The following TP53BP1 variants were observed in gnomAD, a reference collection of about 807,000 sequenced individuals.
TP53BP1 encodes tumor protein p53 binding protein 1, also known as TP53-binding protein 1.
TP53BP1 carries 61 observed loss-of-function variants against 200.8 expected under a neutral mutation model. The observed-to-expected ratio is 0.30, with a 90% CI of 0.25 to 0.38. The LOEUF is 0.38. Among genes scored for constraint, TP53BP1 ranks in the 10% least tolerant of loss-of-function variants. The pLI, the probability that TP53BP1 is intolerant of heterozygous loss-of-function variation, is 1.00. For missense variants in TP53BP1, 2,144 were observed against 2,371.9 expected (o/e 0.90, Z 2.00); for synonymous variants, 822 against 844.3 (o/e 0.97, Z 0.46).
rs1416568038 is a variant in TP53BP1 at position 43,406,408 on chromosome 15, G to GCTGT, written c.*971_*974dup. 9.2e-5 allele frequency: 31 copies of GCTGT among 337,294 alleles called. No homozygotes were observed. Among genetic ancestry groups the GCTGT allele is most frequent in the African/African-American group, 6.7e-4 (31 of 46,350 alleles). The allele number at this position is 337,294 out of a possible 1,614,324, so 20.9% of individuals were successfully genotyped here. A position where few individuals can be genotyped will look rare whatever the true frequency, so the allele number is the denominator to read the frequency against. ...TCAACTAAAGATCACCCTTTCTACT[G>GCTGT]CTGTCTCTGGAGCAGGAGCTGGCAA... On this transcript the variant is annotated 3_prime_UTR_variant, in exon 28 of 28. Coordinates refer to ENST00000382044, the MANE Select transcript of TP53BP1 (RefSeq NM_001141980.3).
At chr15:43,492,227 G>A (rs924943652) in intron 2 of TP53BP1, 57 bp downstream of exon 2, 1 of 1,532,460 alleles carries the variant, frequency 6.5e-7, no homozygotes, top group Admixed American at 1.9e-5. Flanking sequence ...ATGTTTGCTG[G>A]TTTTCGGTTT....
chr15:43,425,658 T>TAATG (rs2045511413), intron 18 of TP53BP1, among the ~76,000 whole-genome samples: 1 of 151,918 alleles, frequency 6.6e-6, no homozygotes, highest in Non-Finnish European at 1.5e-5. Context: ...AGAAATGAAG[T>TAATG]AATGTGTTTA....
chr15:43,427,017 C>CAAAAAAAAAAAAAAAAAAAAAAAAAAA, intron 18 of TP53BP1, among the ~76,000 whole-genome samples: 1 of 67,672 alleles, frequency 1.5e-5, no homozygotes, highest in Non-Finnish European at 3.0e-5. Flanking sequence ...GACTCTGCCT[C>CAAAAAAAAAAAAAAAAAAAAAAAAAAA]AAAAAAAAAA....
At chr15:43,491,781 G>C in intron 3 of TP53BP1, 28 bp from the exon 4 acceptor site, 1 of 1,566,210 alleles carries the variant, frequency 6.4e-7, no homozygotes, top group Non-Finnish European at 8.8e-7. Context: ...ATATTAGCAT[G>C]AAAGACATTT....
chr15:43,454,882 C>T (rs928206237), intron 12 of TP53BP1, among the ~76,000 whole-genome samples: 7 of 152,106 alleles, frequency 4.6e-5, no homozygotes, highest in South Asian at 2.1e-4. Context: ...CTGGTACACA[C>T]GACACACCTG....
At position 43,404,072 on chromosome 15, in the gene TP53BP1, C is replaced by G. The variant is rs181651641; in HGVS notation, c.*3311G>C. The G allele has an allele frequency of 3.8e-6, 2 of 523,844 alleles. No homozygotes were observed. The highest frequency in any genetic ancestry group is 3.1e-5 in the East Asian group (1 of 31,878). The allele number at this position is 523,844 out of a possible 1,614,324, so 32.4% of individuals were successfully genotyped here. A position where few individuals can be genotyped will look rare whatever the true frequency, so the allele number is the denominator to read the frequency against. The stretch of plus-strand genomic sequence containing the variant: ...TGTTCTAACTTCCTCACATCCTCCC[C>G]CCTCCTTACTTCCTTGAACTAACCC... On this transcript the variant is annotated 3_prime_UTR_variant, in exon 28 of 28. Transcript: ENST00000382044.
At chr15:43,464,253 G>C (rs1356676624) in intron 11 of TP53BP1, among the ~76,000 whole-genome samples, 4 of 151,988 alleles carry the variant, frequency 2.6e-5, no homozygotes, top group Non-Finnish European at 4.4e-5. Context: ...GGAAGAAATA[G>C]GACTATTCCA....
chr15:43,478,516 A>G (rs2078915787), intron 7 of TP53BP1, among the ~76,000 whole-genome samples: 1 of 152,204 alleles, frequency 6.6e-6, no homozygotes, highest in East Asian at 1.9e-4. Context: ...TTTATCCCCT[A>G]TCCCAAACTG....
chr15:43,415,412 G>A (rs2045240376), intron 23 of TP53BP1, 182 bp downstream of exon 23: 1 of 721,616 alleles, frequency 1.4e-6, no homozygotes, highest in Non-Finnish European at 2.5e-6. Flanking sequence ...AGAGTCTGTA[G>A]GGGATGGGGG....
At chr15:43,483,380 T>C (rs2079001932) in intron 4 of TP53BP1, among the ~76,000 whole-genome samples, 1 of 152,168 alleles carries the variant, frequency 6.6e-6, no homozygotes, top group South Asian at 2.1e-4. Flanking sequence ...TTCATGTTTT[T>C]AAGCAAAACA....
chr15:43,413,068 A>C (rs2045164477), intron 24 of TP53BP1, 51 bp downstream of exon 24: 2 of 1,580,054 alleles, frequency 1.3e-6, no homozygotes, highest in African/African-American at 2.7e-5. Flanking sequence ...GTGACTGGAA[A>C]AGAAAGAAGT....
chr15:43,433,569 A>G (rs2045719718), intron 16 of TP53BP1, among the ~76,000 whole-genome samples: 1 of 152,264 alleles, frequency 6.6e-6, no homozygotes, highest in South Asian at 2.1e-4. Context: ...TACTTTGAAC[A>G]GAAGACTGAA....
At chr15:43,491,846 G>A (rs1188195460) in intron 3 of TP53BP1, 93 bp from the exon 4 acceptor site, 33 of 1,173,174 alleles carry the variant, frequency 2.8e-5, no homozygotes, top group Non-Finnish European at 5.1e-6. Flanking sequence ...TCTAATCAGT[G>A]ACACTAGCAC....
At chr15:43,499,809 G>C (rs2079200405) in intron 1 of TP53BP1, among the ~76,000 whole-genome samples, 1 of 152,208 alleles carries the variant, frequency 6.6e-6, no homozygotes, top group Non-Finnish European at 1.5e-5. Context: ...TGGTGGTGGA[G>C]AGAGAGCAGT....
chr15:43,493,181 T>C, upstream of TP53BP1: 4 of 1,487,778 alleles, frequency 2.7e-6, no homozygotes, highest in Non-Finnish European at 1.8e-6. Context: ...CGTCACACAA[T>C]ATCGGATCGT....
At chr15:43,436,684 T>C (rs1395396471) in intron 16 of TP53BP1, among the ~76,000 whole-genome samples, 1 of 151,458 alleles carries the variant, frequency 6.6e-6, no homozygotes, top group Non-Finnish European at 1.5e-5. Flanking sequence ...GGTCTCACTA[T>C]GTCACCCAGG....
chr15:43,499,032 AC>A (rs1214364680), intron 1 of TP53BP1, among the ~76,000 whole-genome samples: 40 of 152,098 alleles, frequency 2.6e-4, no homozygotes, highest in Middle Eastern at 3.4e-3. Context: ...AAAAAAAAAA[AC>A]AAAACAAACC....
Position 43,405,039 on chromosome 15 carries a change from TGC to T in TP53BP1, c.*2342_*2343del. On this transcript the variant is annotated 3_prime_UTR_variant, in exon 28 of 28. Coordinates refer to ENST00000382044, the MANE Select transcript of TP53BP1 (RefSeq NM_001141980.3). The stretch of plus-strand genomic sequence containing the variant: ...CATTGTCCTTTCTCTCTAAAATGTC[TGC>T]AAGCAGATTTTTTTCTAAGCTATTG... 1 of 740,736 alleles carries T rather than the reference TGC, an allele frequency of 1.4e-6. No homozygotes were observed. The highest frequency in any genetic ancestry group is 2.2e-6 in the Non-Finnish European group (1 of 455,536). The allele number at this position is 740,736 out of a possible 1,614,324, so 45.9% of individuals were successfully genotyped here. A position where few individuals can be genotyped will look rare whatever the true frequency, so the allele number is the denominator to read the frequency against.
Position 43,493,073 on chromosome 15 carries a change from A to G in TP53BP1, c.-30T>C. On this transcript the variant is annotated 5_prime_UTR_variant, in exon 1 of 28. Coordinates refer to ENST00000382044, the MANE Select transcript of TP53BP1 (RefSeq NM_001141980.3). ...GCGGGAGGTCCCTCGCGCTCGAGCT[A>G]GAGGTCTCTGCACGCTCCCCAAGTC... The G allele has an allele frequency of 6.2e-7, 1 of 1,612,518 alleles. No individual in the cohort carries two copies. Among genetic ancestry groups the G allele is most frequent in the Non-Finnish European group, 8.5e-7 (1 of 1,179,540 alleles).
Sources: allele counts gnomAD v4.1 joint callset (sites outside exome capture counted in the v4.1 genomes callset), GRCh38; gene constraint gnomAD v4.1.1; transcripts MANE v1.5; gene names NCBI Gene and HGNC (gene_info 2026-07-23, HGNC 2026-07-21).